The following LGMN variants were observed in gnomAD, a reference collection of about 807,000 sequenced individuals.
LGMN encodes asparaginyl endopeptidase.
Under a neutral mutation model 56.8 loss-of-function variants are expected in LGMN, and 36 were observed. The observed-to-expected ratio is 0.63, with a 90% CI of 0.49 to 0.84. LGMN has a LOEUF of 0.84. Among genes scored for constraint, LGMN ranks in the 40% least tolerant of loss-of-function variants. LGMN has a pLI of 0.00. For missense variants in LGMN, 446 were observed against 556.1 expected (o/e 0.80, Z 1.99); for synonymous variants, 199 against 210.1 (o/e 0.95, Z 0.46).
rs958316286 is a variant in LGMN, at chr14:92,704,052, A to G, written c.*267T>C. 8.6e-6 allele frequency: 6 copies of G among 700,028 alleles called. No individual in the cohort carries two copies. In the African/African-American group the frequency reaches 1.1e-4, roughly 12 times the overall value. 43.4% of individuals were successfully genotyped at this position (700,028 alleles called of 1,614,324 possible). A position where few individuals can be genotyped will look rare whatever the true frequency, so the allele number is the denominator to read the frequency against. On this transcript the variant is annotated 3_prime_UTR_variant, in exon 14 of 14. Coordinates refer to ENST00000334869, the MANE Select transcript of LGMN (RefSeq NM_005606.7). The stretch of plus-strand genomic sequence containing the variant: ...TTCCTGCTCCTCAAAACTAACAGGC[A>G]AAACAACAAACCTCCTAGAAAGCAA...
At chr14:92,726,126 A>G (rs1378044104) in intron 2 of LGMN, among the ~76,000 whole-genome samples, 1 of 151,382 alleles carries the variant, frequency 6.6e-6, no homozygotes, top group Admixed American at 6.6e-5. Context: ...AATCCCAGCT[A>G]TTCGGGAGGC....
intron 8 of LGMN, chr14:92,712,596 G>A (rs898558129): frequency 3.5e-6 from 2 of 573,266 alleles, no homozygotes; most frequent in African/African-American, 1.9e-5. Flanking sequence ...GAAGAGCACT[G>A]TGAGGCTCAC....
chr14:92,709,890 A>C lies in LGMN; in HGVS notation c.820-18T>G. 6.4e-7 allele frequency: 1 copy of C among 1,573,076 alleles called. No individual in the cohort carries two copies. The highest frequency in any genetic ancestry group is 8.7e-7 in the Non-Finnish European group (1 of 1,153,580). ...GAGATTGTCTGGGGAGACAGACAGC[A>C]AGAGAGAGCGAGAGAGAAAGCGAGA... On this transcript the variant is annotated intron_variant, in intron 10 of 13. Transcript: ENST00000334869.
chr14:92,723,934 G>A (rs1265340035), intron 2 of LGMN, among the ~76,000 whole-genome samples: 1 of 152,158 alleles, frequency 6.6e-6, no homozygotes, highest in Non-Finnish European at 1.5e-5. Flanking sequence ...GTTTTACCAT[G>A]TTGGCCAGGC....
chr14:92,719,287 G>T (rs879585523), intron 2 of LGMN, among the ~76,000 whole-genome samples: 1 of 59,812 alleles, frequency 1.7e-5, no homozygotes, highest in Non-Finnish European at 2.9e-5. Context: ...CACCGCCGCC[G>T]CCGCCGCCGC....
chr14:92,716,646 C>T (rs1301388438), intron 4 of LGMN, among the ~76,000 whole-genome samples: 1 of 152,144 alleles, frequency 6.6e-6, no homozygotes, highest in Admixed American at 6.6e-5. Flanking sequence ...CAAACAAACA[C>T]TATACAGAAA....
At chr14:92,742,084 T>C (rs1891580008) in intron 1 of LGMN, among the ~76,000 whole-genome samples, 1 of 152,030 alleles carries the variant, frequency 6.6e-6, no homozygotes, top group Non-Finnish European at 1.5e-5. Context: ...AATATTCTAT[T>C]GATGGGGTTC....
intron 11 of LGMN, 89 bp from the exon 12 acceptor site, chr14:92,706,742 A>C: frequency 8.2e-7 from 1 of 1,216,532 alleles, no homozygotes; most frequent in South Asian, 1.9e-5. Context: ...TTCAAAGGCT[A>C]CTCTCCACAC....
At chr14:92,738,552 A>G (rs1891405278) in intron 1 of LGMN, among the ~76,000 whole-genome samples, 1 of 150,288 alleles carries the variant, frequency 6.7e-6, no homozygotes, top group Non-Finnish European at 1.5e-5. Flanking sequence ...TGCTGGGATT[A>G]CAGGCGTGAG....
chr14:92,747,927 AC>A (rs1478107877), intron 1 of LGMN, among the ~76,000 whole-genome samples: 1 of 152,272 alleles, frequency 6.6e-6, no homozygotes, highest in Non-Finnish European at 1.5e-5. Flanking sequence ...AAACCAGTTA[AC>A]TTTCACTTCC....
chr14:92,733,111 A>G (rs1178643941), intron 1 of LGMN, among the ~76,000 whole-genome samples: 1 of 149,422 alleles, frequency 6.7e-6, no homozygotes, highest in Non-Finnish European at 1.5e-5. Context: ...CTGTGCAACC[A>G]TACTCCAGTC....
At chr14:92,704,585 C>G in intron 13 of LGMN, 55 bp downstream of exon 13, 1 of 1,422,434 alleles carries the variant, frequency 7.0e-7, no homozygotes, top group Non-Finnish European at 9.9e-7. Flanking sequence ...GATGGCAGCC[C>G]CTTCTGCTTT....
chr14:92,727,303 G>A (rs1386778564), intron 2 of LGMN, among the ~76,000 whole-genome samples: 2 of 151,826 alleles, frequency 1.3e-5, no homozygotes, highest in Non-Finnish European at 1.5e-5. Context: ...GGTGGCAGGC[G>A]CCTGTAGTCC....
chr14:92,733,502 G>A (rs1891156741), intron 1 of LGMN, among the ~76,000 whole-genome samples: 1 of 152,180 alleles, frequency 6.6e-6, no homozygotes, highest in Non-Finnish European at 1.5e-5. Flanking sequence ...TGTAAGAAAA[G>A]AATATACATG....
rs533319968 is a variant in LGMN at position 92,721,303 on chromosome 14, G to A, written c.139-2459C>T. Among the ~76,000 whole-genome samples the A allele has an allele frequency of 3.3e-5, 5 of 152,316 alleles. No individual in the cohort carries two copies. The South Asian group carries it at 1.0e-3, about 32-fold the overall frequency. On this transcript the variant is annotated intron_variant, in intron 2 of 13. Coordinates refer to ENST00000334869, the MANE Select transcript of LGMN (RefSeq NM_005606.7). ...TCAACTGACCCTTGTTGGCATTGAG[G>A]ATGGAAGAAGGGGCCATGAGCCAAC...
chr14:92,746,225 T>C (rs908647140), intron 1 of LGMN, among the ~76,000 whole-genome samples: 11 of 152,250 alleles, frequency 7.2e-5, no homozygotes, highest in African/African-American at 2.7e-4. Context: ...TCAATGTGCA[T>C]TTCCTGGATT....
intron 1 of LGMN, among the ~76,000 whole-genome samples, chr14:92,745,943 T>C (rs1315290452): frequency 6.6e-6 from 1 of 152,078 alleles, no homozygotes; most frequent in Non-Finnish European, 1.5e-5. Flanking sequence ...TGCCTCAGCC[T>C]CCCGAGTAGC....
At chr14:92,718,543 C>T (rs1177872681) in intron 3 of LGMN, among the ~76,000 whole-genome samples, 1 of 151,776 alleles carries the variant, frequency 6.6e-6, no homozygotes, top group African/African-American at 2.4e-5. Flanking sequence ...CACTGCACTC[C>T]AGCCTGGGCA....
At position 92,706,636 on chromosome 14, in the gene LGMN, C is replaced by G. The variant is rs1216273643; in HGVS notation, c.1038G>C (p.Glu346Asp). The change falls in exon 12 of 14, where the codon GAG becomes GAC. Residue 346 changes from glutamate to aspartate, a missense_variant. By Grantham distance (45) the Glu-to-Asp change is conservative. Coordinates refer to ENST00000334869, the MANE Select transcript of LGMN (RefSeq NM_005606.7). ...QRHLDARHLI[E>D]KSVRKIVSLL... ...AGGAGACGATCTTACGCACTGACTT[C>G]TCAATGAGGTGCCTGGCCTGGGGAG... 4 of 1,586,886 alleles carry G rather than the reference C, an allele frequency of 2.5e-6. No homozygotes were observed. Among genetic ancestry groups the G allele is most frequent in the Admixed American group, 1.7e-5 (1 of 59,306 alleles).
Sources: gnomAD v4.1 joint callset for allele counts (sites outside exome capture counted in the v4.1 genomes callset) on GRCh38, gnomAD v4.1.1 for gene constraint, MANE v1.5 for transcripts, NCBI Gene and HGNC (gene_info 2026-07-23, HGNC 2026-07-21) for gene names.